Variants in DDX39B observed in about 807,000 individuals in gnomAD.
The protein encoded by DDX39B is spliceosome RNA helicase DDX39B.
A neutral mutation model predicts 46.4 loss-of-function variants in DDX39B; 6 were observed. The observed-to-expected ratio is 0.13, with a 90% confidence interval of 0.07 to 0.26. DDX39B has a LOEUF of 0.26. Ranked by LOEUF, DDX39B falls within the 10% of genes least tolerant of loss-of-function variation. The pLI, the probability that DDX39B is intolerant of heterozygous loss-of-function variation, is 1.00. For missense variants in DDX39B, 185 were observed against 553.4 expected (o/e 0.33, Z 6.68); for synonymous variants, 174 against 199.4 (o/e 0.87, Z 1.07).
intron 1 of DDX39B, 51 bp downstream of exon 1, chr6:31,541,899 G>T: frequency 1.6e-6 from 1 of 634,420 alleles, no homozygotes; most frequent in Non-Finnish European, 2.9e-6. Flanking sequence ...TGACGGGATG[G>T]GTGCGGAGAA....
chr6:31,531,371 A>G lies in DDX39B; in HGVS notation c.902T>C (p.Ile301Thr). ...VIFVKSVQRC[I>T]ALAQLLVEQN... Reference sequence around the variant, plus strand: ...CTCCACTAGTAGCTGGGCCAAGGCAATGCACCGCTGCACAGACTTCACAAA... The same window carrying G: ...CTCCACTAGTAGCTGGGCCAAGGCAGTGCACCGCTGCACAGACTTCACAAA... Residue 301 changes from isoleucine (I) to threonine (T), a missense_variant, in exon 8 of 11, where the codon ATT becomes ACT. Physicochemically the swap from Ile to Thr is moderately conservative, Grantham distance 89. Coordinates refer to ENST00000396172, the MANE Select transcript of DDX39B (RefSeq NM_004640.7). This position sits in a 1 kb window ranked among gnomAD's most constrained non-coding sequence, Gnocchi z 5.8. The G allele has an allele frequency of 6.2e-7, 1 of 1,614,074 alleles. No homozygotes were observed. Among genetic ancestry groups the G allele is most frequent in the Non-Finnish European group, 8.5e-7 (1 of 1,179,982 alleles).
At position 31,530,512 on chromosome 6, in the gene DDX39B, A is replaced by T; in HGVS notation, c.1271-62T>A. 5 of 1,606,766 alleles carry T rather than the reference A, an allele frequency of 3.1e-6. No individual in the cohort carries two copies. Reference sequence around the variant, plus strand: ...GAAAAGGGGAAAGTGAGGCAGGAACACACGGCACACATGCAGACACTGGTG... The same window carrying T: ...GAAAAGGGGAAAGTGAGGCAGGAACTCACGGCACACATGCAGACACTGGTG... On this transcript the variant is annotated intron_variant, in intron 10 of 10. Transcript: ENST00000396172. This position sits in a 1 kb window ranked among gnomAD's most constrained non-coding sequence, Gnocchi z 4.5.
chr6:31,531,423 G>A lies in DDX39B; in HGVS notation c.868-18C>T. The A allele has an allele frequency of 1.9e-6, 3 of 1,613,226 alleles. No individual in the cohort carries two copies. In the South Asian group the frequency reaches 3.3e-5, roughly 18 times the overall value. ...ATCACCACCTGTTGTGGGGTGGGGT[G>A]GGGGGTCGCAAATTGGGGGAATAGG... On this transcript the variant is annotated intron_variant, in intron 7 of 10. Transcript: ENST00000396172. The surrounding 1 kb of genome is among the most constrained non-coding windows in gnomAD (Gnocchi z 5.8).
chr6:31,536,719 GAAGGA>G, intron 4 of DDX39B, 36 bp from the exon 5 acceptor site: 1 of 1,605,190 alleles, frequency 6.2e-7, no homozygotes, highest in Non-Finnish European at 8.5e-7. Context: ...CAAAACAGAG[GAAGGA>G]AAGAGTCCAA....
intron 1 of DDX39B, chr6:31,541,024 T>C (rs1011316387): frequency 2.5e-5 from 12 of 487,666 alleles, no homozygotes; most frequent in African/African-American, 1.2e-4. Context: ...AGATGACAAG[T>C]AGAGTCCTGA....
At chr6:31,540,909 G>A in intron 1 of DDX39B, 1 of 402,780 alleles carries the variant, frequency 2.5e-6, no homozygotes, top group Non-Finnish European at 4.7e-6. Flanking sequence ...AAAGTTGGAA[G>A]GGGAAGACCA....
At position 31,530,943 on chromosome 6, in the gene DDX39B, G is replaced by A; in HGVS notation, c.1123-17C>T. 6.2e-7 allele frequency: 1 copy of A among 1,614,056 alleles called. No homozygotes were observed. The highest frequency in any genetic ancestry group is 8.5e-7 in the Non-Finnish European group (1 of 1,179,978). The stretch of plus-strand genomic sequence containing the variant: ...TCTGGCCACCTGGAGGGAGACAGAG[G>A]GTAGCACTGGAAGACCGAAGAGGAA... On this transcript the variant is annotated splice_polypyrimidine_tract_variant and intron_variant, in intron 9 of 10. Transcript: ENST00000396172. This position sits in a 1 kb window ranked among gnomAD's most constrained non-coding sequence, Gnocchi z 4.5.
Position 31,531,146 on chromosome 6 carries a change from A to C in DDX39B, c.1029T>G (p.Ala343=). 1 of 1,614,232 alleles carries C rather than the reference A, an allele frequency of 6.2e-7. No homozygotes were observed. Among genetic ancestry groups the C allele is most frequent in the African/African-American group, 1.3e-5 (1 of 75,064 alleles). ...CCATGCCTCGGCCAAATAGGTTGGT[A>C]GCCACAAGAATTCGTCGTTGAAAAT... The part of the protein sequence containing the change: ...FKDFQRRILV[A]TNLFGRGMDI... The change falls in exon 9 of 11, where the codon GCT becomes GCG. Residue 343 remains alanine, a synonymous_variant. Transcript: ENST00000396172. The surrounding 1 kb of genome is among the most constrained non-coding windows in gnomAD (Gnocchi z 5.8).
chr6:31,533,064 A>G (rs766117204), intron 6 of DDX39B, 153 bp from the exon 7 acceptor site: 1 of 598,462 alleles, frequency 1.7e-6, no homozygotes, highest in Admixed American at 2.4e-5. Context: ...AAAAATACCC[A>G]CATTTTACTG....
At position 31,538,850 on chromosome 6, in the gene DDX39B, A is replaced by T; in HGVS notation, c.345T>A (p.Ser115=). The T allele has an allele frequency of 1.2e-6, 2 of 1,613,992 alleles. No individual in the cohort carries two copies. Among genetic ancestry groups the T allele is most frequent in the Non-Finnish European group, 1.7e-6 (2 of 1,179,862 alleles). ...QQLEPVTGQV[S]VLVMCHTREL... ...CCCGAGTGTGACACATCACCAGTAC[A>T]GACACCTTAGGCAGGAAGTAGACGG... Residue 115 remains serine, a synonymous_variant, in exon 4 of 11, where the codon TCT becomes TCA. Transcript: ENST00000396172.
Position 31,536,654 on chromosome 6 carries a change from G to A in DDX39B, c.462C>T (p.Ile154=). The change falls in exon 5 of 11, where the codon ATC becomes ATT. Residue 154 remains isoleucine, a synonymous_variant. Transcript: ENST00000396172. ...KVAVFFGGLS[I]KKDEEVLKKN... ...TCTTCAGCACCTCTTCATCCTTCTT[G>A]ATAGACAGACCACCAAAAAAAACAG... The A allele has an allele frequency of 1.6e-5, 26 of 1,612,866 alleles. No homozygotes were observed. Among genetic ancestry groups the A allele is most frequent in the Non-Finnish European group, 2.2e-5 (26 of 1,179,988 alleles).
intron 4 of DDX39B, among the ~76,000 whole-genome samples, chr6:31,537,235 G>C (rs1767883245): frequency 1.3e-5 from 2 of 152,168 alleles, no homozygotes; most frequent in Admixed American, 6.5e-5. Context: ...AGACCAGCCT[G>C]GCCAACACGG....
chr6:31,537,115 A>G (rs1767869201), intron 4 of DDX39B, among the ~76,000 whole-genome samples: 2 of 152,116 alleles, frequency 1.3e-5, no homozygotes, highest in Non-Finnish European at 2.9e-5. Flanking sequence ...CCATCTCAAA[A>G]AGAAATAAAA....
At chr6:31,541,645 G>T in intron 1 of DDX39B, 1 of 485,474 alleles carries the variant, frequency 2.1e-6, no homozygotes, top group Non-Finnish European at 4.2e-6. Context: ...AAGACCAAGG[G>T]ACGCCGAGCG....
At chr6:31,540,244 C>A in intron 2 of DDX39B, 78 bp downstream of exon 2, 1 of 1,493,186 alleles carries the variant, frequency 6.7e-7, no homozygotes, top group South Asian at 1.1e-5. Flanking sequence ...TTACCACCAC[C>A]TGAGCAACGA....
chr6:31,535,403 T>C lies in DDX39B; in HGVS notation c.699A>G (p.Lys233=). Residue 233 remains lysine, a synonymous_variant, in exon 6 of 11, where the codon AAA becomes AAG. Coordinates refer to ENST00000396172, the MANE Select transcript of DDX39B (RefSeq NM_004640.7). This position sits in a 1 kb window ranked among gnomAD's most constrained non-coding sequence, Gnocchi z 4.6. The part of the protein sequence containing the change: ...QVMMFSATLS[K]EIRPVCRKFM... The stretch of plus-strand genomic sequence containing the variant: ...ACTTGCGGCAGACTGGACGGATCTC[T>C]TTGCTCAAGGTAGCACTGAACATCA... 2 of 1,613,372 alleles carry C rather than the reference T, an allele frequency of 1.2e-6. No homozygotes were observed. Among genetic ancestry groups the C allele is most frequent in the Non-Finnish European group, 1.7e-6 (2 of 1,180,014 alleles).
chr6:31,539,771 G>A (rs1350773436), intron 2 of DDX39B, among the ~76,000 whole-genome samples: 4 of 152,134 alleles, frequency 2.6e-5, no homozygotes, highest in Non-Finnish European at 4.4e-5. Flanking sequence ...GCCCAACAGA[G>A]GGAGACTACA....
At position 31,540,310 on chromosome 6, in the gene DDX39B, G is replaced by T. The variant is rs771801681; in HGVS notation, c.211+12C>A. On this transcript the variant is annotated intron_variant, in intron 2 of 10. Transcript: ENST00000396172. ...AGCCCAATGAGCACTACATGCCCAA[G>T]AGAAAATTTACCTTCTGACGGATGC... 20 of 1,613,960 alleles carry T rather than the reference G, an allele frequency of 1.2e-5. No individual in the cohort carries two copies. Among genetic ancestry groups the T allele is most frequent in the Non-Finnish European group, 1.7e-5 (20 of 1,179,850 alleles).
chr6:31,541,318 T>G, intron 1 of DDX39B: 1 of 431,746 alleles, frequency 2.3e-6, no homozygotes, highest in East Asian at 6.7e-5. Context: ...ACAAAATTCA[T>G]GTCTCCACCC....
Sources: gnomAD v4.1 joint callset for allele counts (sites outside exome capture counted in the v4.1 genomes callset) on GRCh38, gnomAD v4.1.1 for gene constraint, Gnocchi (gnomAD v3.1) non-coding constraint, MANE v1.5 for transcripts, NCBI Gene and HGNC (gene_info 2026-07-23, HGNC 2026-07-21) for gene names.